The following CD96 variants were observed in gnomAD, a reference collection of about 807,000 sequenced individuals.
The protein encoded by CD96 is T-cell surface protein tactile.
A neutral mutation model predicts 71.3 loss-of-function variants in CD96; 70 were observed. That is an observed-to-expected ratio of 0.98 (90% confidence interval 0.81 to 1.20). The LOEUF is 1.20. CD96 is among the 50% of genes most tolerant of loss of function. The pLI, the probability that CD96 is intolerant of heterozygous loss-of-function variation, is 0.00. For synonymous variants in CD96, 248 were observed against 233.0 expected (o/e 1.06, Z -0.59); for missense variants, 742 against 677.5 (o/e 1.10, Z -1.06).
At chr3:111,623,457 A>C (rs1370193420) in intron 8 of CD96, among the ~76,000 whole-genome samples, 1 of 152,206 alleles carries the variant, frequency 6.6e-6, no homozygotes. Context: ...CTATATCCCC[A>C]GCGTGCAGAA....
intron 2 of CD96, among the ~76,000 whole-genome samples, chr3:111,567,272 C>G (rs1513323): frequency 0.71 from 107,626 of 152,078 alleles, 38,277 homozygotes; most frequent in African/African-American, 0.78. Flanking sequence ...CATGCCAAAT[C>G]ATGAGTTTGA....
At chr3:111,565,393 A>G (rs1018672764) in intron 2 of CD96, among the ~76,000 whole-genome samples, 36 of 152,142 alleles carry the variant, frequency 2.4e-4, no homozygotes, top group East Asian at 1.9e-4. Flanking sequence ...AAGTAATGCC[A>G]CTTATACTGC....
intron 8 of CD96, among the ~76,000 whole-genome samples, chr3:111,610,799 G>A (rs1003669800): frequency 5.3e-5 from 8 of 152,318 alleles, no homozygotes; most frequent in Non-Finnish European, 8.8e-5. Flanking sequence ...AGGAGTTTCC[G>A]TCGCCTTGAG....
intron 2 of CD96, among the ~76,000 whole-genome samples, chr3:111,558,810 G>C (rs1438137913): frequency 2.1e-5 from 3 of 145,976 alleles, no homozygotes; most frequent in African/African-American, 7.7e-5. Context: ...ACCTCTGGTA[G>C]AATTCGGCTG....
intron 2 of CD96, among the ~76,000 whole-genome samples, chr3:111,546,238 A>G (rs1297666275): frequency 6.6e-6 from 1 of 152,236 alleles, no homozygotes; most frequent in Non-Finnish European, 1.5e-5. Flanking sequence ...TAAAGGTGAC[A>G]TCTGGGTGTC....
intron 13 of CD96, 108 bp downstream of exon 13, chr3:111,647,774 G>T: frequency 1.2e-6 from 1 of 822,228 alleles, no homozygotes. Context: ...TTTTAATGGG[G>T]AAATAATGCT....
intron 14 of CD96, among the ~76,000 whole-genome samples, chr3:111,660,991 G>C (rs1410925085): frequency 6.6e-6 from 1 of 152,168 alleles, no homozygotes; most frequent in South Asian, 2.1e-4. Context: ...AGACATACCT[G>C]AAACTGGGTA....
intron 8 of CD96, among the ~76,000 whole-genome samples, chr3:111,615,316 C>T (rs1938174418): frequency 6.6e-6 from 1 of 152,038 alleles, no homozygotes; most frequent in Admixed American, 6.5e-5. Flanking sequence ...AAGCATTGGC[C>T]AAAGGTGAGG....
At position 111,649,809 on chromosome 3, in the gene CD96, T is replaced by C; in HGVS notation, c.*3T>C. On this transcript the variant is annotated 3_prime_UTR_variant, in exon 14 of 14. Coordinates refer to ENST00000352690, the MANE Select transcript of CD96 (RefSeq NM_005816.5). ...ATCATGAGATGGAGACCCTCTAGTC[T>C]CGTGAGACTTTGCCCCATGGCAGAA... The C allele has an allele frequency of 6.4e-7, 1 of 1,558,818 alleles. No individual in the cohort carries two copies. Among genetic ancestry groups the C allele is most frequent in the Non-Finnish European group, 8.9e-7 (1 of 1,129,576 alleles).
intron 3 of CD96, chr3:111,571,126 A>G: frequency 1.4e-6 from 1 of 694,436 alleles, no homozygotes; most frequent in Non-Finnish European, 2.6e-6. Flanking sequence ...GTTACAGCAC[A>G]TGCTGTTCCC....
chr3:111,577,180 C>T (rs1936256257), intron 3 of CD96, among the ~76,000 whole-genome samples: 1 of 152,216 alleles, frequency 6.6e-6, no homozygotes, highest in Admixed American at 6.5e-5. Context: ...CCAACTTCAG[C>T]ATGTAACTGC....
At chr3:111,578,636 A>AT (rs1437620357) in intron 3 of CD96, among the ~76,000 whole-genome samples, 1 of 152,188 alleles carries the variant, frequency 6.6e-6, no homozygotes, top group Admixed American at 6.5e-5. Flanking sequence ...TTAAATGAAG[A>AT]TTTTATGAAA....
At chr3:111,647,266 G>A (rs575892751) in intron 12 of CD96, among the ~76,000 whole-genome samples, 3 of 152,024 alleles carry the variant, frequency 2.0e-5, no homozygotes, top group Admixed American at 6.6e-5. Context: ...ACAGAATAGT[G>A]TGTATAATAT....
chr3:111,567,798 G>A, intron 3 of CD96, 151 bp downstream of exon 3: 2 of 736,732 alleles, frequency 2.7e-6, no homozygotes, highest in Non-Finnish European at 4.8e-6. Flanking sequence ...AGGAAGGAGA[G>A]GTCACTCAGA....
intron 12 of CD96, among the ~76,000 whole-genome samples, chr3:111,643,444 A>G (rs1939686820): frequency 6.6e-6 from 1 of 151,950 alleles, no homozygotes; most frequent in Non-Finnish European, 1.5e-5. Flanking sequence ...CACTCTCACC[A>G]CTCCTCTTCA....
At chr3:111,641,920 A>C (rs1939610770) in intron 12 of CD96, among the ~76,000 whole-genome samples, 1 of 152,260 alleles carries the variant, frequency 6.6e-6, no homozygotes, top group Non-Finnish European at 1.5e-5. Flanking sequence ...AATGAAATCA[A>C]GATGGAAATT....
At chr3:111,630,952 T>A (rs1410143517) in intron 10 of CD96, among the ~76,000 whole-genome samples, 1 of 151,950 alleles carries the variant, frequency 6.6e-6, no homozygotes, top group African/African-American at 2.4e-5. Flanking sequence ...TCAGTAAAAT[T>A]TAACATCTTA....
intron 14 of CD96, among the ~76,000 whole-genome samples, chr3:111,657,480 C>T (rs1341521994): frequency 6.6e-6 from 1 of 151,550 alleles, no homozygotes; most frequent in Admixed American, 6.6e-5. Context: ...TGACTATATA[C>T]CCCAGTCTCG....
chr3:111,649,700 T>C lies in CD96; in HGVS notation c.1604T>C (p.Met535Thr). The C allele has an allele frequency of 6.2e-7, 1 of 1,605,802 alleles. No homozygotes were observed. The highest frequency in any genetic ancestry group is 8.5e-7 in the Non-Finnish European group (1 of 1,172,444). The change falls in exon 14 of 14, where the codon ATG (methionine) becomes ACG (threonine). Residue 535 changes from methionine to threonine, a missense_variant and splice_region_variant. Physicochemically the swap from Met to Thr is moderately conservative, Grantham distance 81. Transcript: ENST00000352690. ...RKWCQYQKEI[M>T]ERPPPFKPPP... ...AAAGACCAATATTTTGTTCCTAGAA[T>C]GGAAAGACCTCCACCTTTCAAGCCA...
Sources: gnomAD v4.1 joint callset for allele counts (sites outside exome capture counted in the v4.1 genomes callset) on GRCh38, gnomAD v4.1.1 for gene constraint, MANE v1.5 for transcripts, NCBI Gene and HGNC (gene_info 2026-07-23, HGNC 2026-07-21) for gene names.